TAFA1: variants seen among roughly 807,000 people sequenced by gnomAD.
TAFA1 encodes chemokine-like protein TAFA-1.
A neutral mutation model predicts 18.5 loss-of-function variants in TAFA1; 4 were observed. The ratio of observed to expected loss-of-function variants is 0.22; its 90% CI spans 0.11 to 0.49. The LOEUF (loss-of-function observed/expected upper bound fraction) is 0.49. Ranked by LOEUF, TAFA1 falls within the 20% of genes least tolerant of loss-of-function variation. The pLI is 0.98. For synonymous variants in TAFA1, 56 were observed against 55.2 expected (o/e 1.01, Z -0.06); for missense variants, 147 against 169.0 (o/e 0.87, Z 0.72).
chr3:68,051,236 T>C (rs1281873442), intron 2 of TAFA1, among the ~76,000 whole-genome samples: 1 of 152,172 alleles, frequency 6.6e-6, no homozygotes, highest in Non-Finnish European at 1.5e-5. Context: ...GTTTCTATTA[T>C]ATTCATTTCA....
chr3:68,479,011 T>A (rs1244866129), intron 3 of TAFA1, among the ~76,000 whole-genome samples: 3 of 150,146 alleles, frequency 2.0e-5, no homozygotes, highest in Non-Finnish European at 4.4e-5. Flanking sequence ...GGCAAGTGGA[T>A]CACGAGGTCA....
intron 2 of TAFA1, among the ~76,000 whole-genome samples, chr3:68,408,443 T>C (rs1174928491): frequency 6.6e-6 from 1 of 152,190 alleles, no homozygotes; most frequent in Non-Finnish European, 1.5e-5. Context: ...AGTTCTCATC[T>C]TTGCAAAAGC....
intron 2 of TAFA1, among the ~76,000 whole-genome samples, chr3:68,381,587 A>T (rs913758462): frequency 6.6e-6 from 1 of 152,188 alleles, no homozygotes; most frequent in African/African-American, 2.4e-5. Flanking sequence ...TTATTGTTGT[A>T]TAAGAATGCT....
chr3:68,449,154 G>A (rs1364791222), intron 3 of TAFA1, among the ~76,000 whole-genome samples: 2 of 152,144 alleles, frequency 1.3e-5, no homozygotes, highest in African/African-American at 4.8e-5. Context: ...AGAAATGCAC[G>A]GAAAAGATGC....
At chr3:68,231,079 T>C (rs1482331002) in intron 2 of TAFA1, among the ~76,000 whole-genome samples, 1 of 152,240 alleles carries the variant, frequency 6.6e-6, no homozygotes, top group Non-Finnish European at 1.5e-5. Flanking sequence ...TTACATTTTT[T>C]GTTTATTTAA....
intron 3 of TAFA1, among the ~76,000 whole-genome samples, chr3:68,501,211 A>G (rs971433459): frequency 6.6e-6 from 1 of 151,032 alleles, no homozygotes; most frequent in African/African-American, 2.4e-5. Context: ...ATCTGTAAAT[A>G]TCTAGTTCCA....
intron 3 of TAFA1, among the ~76,000 whole-genome samples, chr3:68,483,675 T>C (rs114646598): frequency 0.019 from 2,828 of 152,254 alleles, 100 homozygotes; most frequent in African/African-American, 0.064. Flanking sequence ...CTAGGGTGGT[T>C]TGAAAAATAC....
At position 68,421,923 on chromosome 3, in the gene TAFA1, A is replaced by C. The variant is rs973864667; in HGVS notation, c.259+4503A>C. 2.0e-5 allele frequency among the ~76,000 whole-genome samples: 3 copies of C among 152,106 alleles called. 1 individual carries two copies. ...ATGCTTCCAACTAATTATCCTGGAT[A>C]TTACTAATACTGGTAAGTCATCTTC... On this transcript the variant is annotated intron_variant, in intron 3 of 4. Transcript: ENST00000478136.
Position 68,151,828 on chromosome 3 carries a change from C to A in TAFA1, c.118+145084C>A, listed in dbSNP as rs540097125. Reference sequence around the variant, plus strand: ...CTATGGAACTGAGGAATATAGCCTGCTTCCCCTGTTCTACACCAAAACTTA... The same window carrying A: ...CTATGGAACTGAGGAATATAGCCTGATTCCCCTGTTCTACACCAAAACTTA... On this transcript the variant is annotated intron_variant, in intron 2 of 4. Transcript: ENST00000478136. 5.3e-5 allele frequency among the ~76,000 whole-genome samples: 8 copies of A among 152,016 alleles called. No homozygotes were observed. The South Asian group carries it at 1.0e-3, about 20-fold the overall frequency.
chr3:68,125,236 A>C (rs1178030780), intron 2 of TAFA1, among the ~76,000 whole-genome samples: 1 of 152,136 alleles, frequency 6.6e-6, no homozygotes, highest in East Asian at 1.9e-4. Flanking sequence ...CTTGTCTGTA[A>C]AGTTGGACTG....
Position 68,244,484 on chromosome 3 carries a change from C to T in TAFA1, c.119-172796C>T, listed in dbSNP as rs149993096. Among the ~76,000 whole-genome samples, 607 of 152,192 alleles carry T rather than the reference C, an allele frequency of 4.0e-3. 5 individuals are homozygous for T. Among genetic ancestry groups the T allele is most frequent in the African/African-American group, 0.013 (556 of 41,524 alleles). ...TCTTTTGCTTGTGGATACCCAATTG[C>T]TCCAGCACCATTTGTTAAAAAGATT... On this transcript the variant is annotated intron_variant, in intron 2 of 4. Coordinates refer to ENST00000478136, the MANE Select transcript of TAFA1 (RefSeq NM_213609.4).
intron 2 of TAFA1, among the ~76,000 whole-genome samples, chr3:68,046,748 G>T (rs1173237508): frequency 2.0e-5 from 3 of 152,076 alleles, no homozygotes. Context: ...AACTTCTTTG[G>T]CTAGACAGTC....
chr3:68,060,764 G>A (rs1216025133), intron 2 of TAFA1, among the ~76,000 whole-genome samples: 4 of 152,108 alleles, frequency 2.6e-5, no homozygotes, highest in African/African-American at 4.8e-5. Context: ...TGGAGGGGTG[G>A]GCTTGAGAAA....
intron 2 of TAFA1, among the ~76,000 whole-genome samples, chr3:68,253,532 A>G (rs1224044046): frequency 6.6e-6 from 1 of 152,118 alleles, no homozygotes; most frequent in Non-Finnish European, 1.5e-5. Flanking sequence ...CTTACTGCAT[A>G]CTCATCTAAC....
At chr3:68,004,893 A>T (rs927740535) in intron 1 of TAFA1, among the ~76,000 whole-genome samples, 191 bp downstream of exon 1, 26 of 152,308 alleles carry the variant, frequency 1.7e-4, no homozygotes, top group South Asian at 4.1e-4. Context: ...CTGAGAATTT[A>T]AAAAAGTTAA....
At chr3:68,380,611 G>A (rs1201938416) in intron 2 of TAFA1, among the ~76,000 whole-genome samples, 1 of 152,018 alleles carries the variant, frequency 6.6e-6, no homozygotes, top group Non-Finnish European at 1.5e-5. Flanking sequence ...CTTTTTGATA[G>A]GGTTGTTTGT....
At chr3:68,200,930 C>T (rs2066462959) in intron 2 of TAFA1, among the ~76,000 whole-genome samples, 1 of 151,244 alleles carries the variant, frequency 6.6e-6, no homozygotes, top group Admixed American at 6.6e-5. Flanking sequence ...TTCTCATTTA[C>T]TAAGGTAGAA....
intron 2 of TAFA1, among the ~76,000 whole-genome samples, chr3:68,256,852 T>G (rs1041636558): frequency 6.6e-6 from 1 of 152,152 alleles, no homozygotes; most frequent in South Asian, 2.1e-4. Flanking sequence ...CCAAAACCTT[T>G]GTATGAGCCA....
intron 2 of TAFA1, among the ~76,000 whole-genome samples, chr3:68,393,097 A>G (rs886882029): frequency 1.3e-5 from 2 of 152,088 alleles, no homozygotes; most frequent in Non-Finnish European, 2.9e-5. Context: ...AACAAAATAG[A>G]CCACTAGCCA....
Sources: allele counts gnomAD v4.1 joint callset (sites outside exome capture counted in the v4.1 genomes callset), GRCh38; gene constraint gnomAD v4.1.1; transcripts MANE v1.5; gene names NCBI Gene and HGNC (gene_info 2026-07-23, HGNC 2026-07-21).